The following BCAR3 variants were observed in gnomAD, a reference collection of about 807,000 sequenced individuals.
BCAR3 encodes the protein breast cancer anti-estrogen resistance protein 3.
BCAR3 carries 37 observed loss-of-function variants against 80.1 expected under a neutral mutation model. That is an observed-to-expected ratio of 0.46 (90% CI 0.36 to 0.61). The LOEUF (loss-of-function observed/expected upper bound fraction) is 0.61. BCAR3 is among the 20% of genes least tolerant of loss of function. The pLI is 0.00. For synonymous variants in BCAR3, 389 were observed against 418.9 expected, an observed-to-expected ratio of 0.93 and a Z score of 0.87; for missense variants, 978 against 1,068.2, an observed-to-expected ratio of 0.92 and a Z score of 1.18.
At chr1:93,719,047 C>G (rs1407286904) in intron 2 of BCAR3, among the ~76,000 whole-genome samples, 1 of 152,010 alleles carries the variant, frequency 6.6e-6, no homozygotes, top group Non-Finnish European at 1.5e-5. Flanking sequence ...ATGATGGTGC[C>G]TCACATGGCC....
At chr1:93,760,496 G>T (rs550637770) in intron 2 of BCAR3, among the ~76,000 whole-genome samples, 10 of 152,206 alleles carry the variant, frequency 6.6e-5, no homozygotes, top group African/African-American at 2.2e-4. Flanking sequence ...ACAGATATGA[G>T]AGACATTATG....
chr1:93,767,258 C>A (rs1469737462), intron 2 of BCAR3, among the ~76,000 whole-genome samples: 2 of 152,270 alleles, frequency 1.3e-5, no homozygotes, highest in African/African-American at 4.8e-5. Context: ...TAGGGTGGCT[C>A]ATGCCTATAA....
At chr1:93,768,263 G>A (rs1652224396) in intron 2 of BCAR3, among the ~76,000 whole-genome samples, 1 of 117,588 alleles carries the variant, frequency 8.5e-6, no homozygotes, top group Non-Finnish European at 1.7e-5. Flanking sequence ...GTGAATGTGT[G>A]TGTGTTTGTG....
chr1:93,612,996 A>C (rs1370736937), intron 3 of BCAR3, among the ~76,000 whole-genome samples: 1 of 152,202 alleles, frequency 6.6e-6, no homozygotes, highest in Admixed American at 6.5e-5. Flanking sequence ...AGAACATCAT[A>C]ACCCTGCTGC....
At position 93,679,315 on chromosome 1, in the gene BCAR3, G is replaced by A. The variant is rs114289613; in HGVS notation, c.-12+2283C>T. Among the ~76,000 whole-genome samples the A allele has an allele frequency of 3.1e-3, 474 of 152,304 alleles. 6 individuals are homozygous for A. The highest frequency in any genetic ancestry group is 0.011 in the African/African-American group (467 of 41,552). On this transcript the variant is annotated intron_variant, in intron 1 of 11. Transcript: ENST00000260502. The stretch of plus-strand genomic sequence containing the variant: ...TCACTGTATCTCTGTTATACTGAGG[G>A]TTCACAAAGGAAGTAACTCTGAGAG...
At chr1:93,755,608 T>C (rs1651714909) in intron 2 of BCAR3, among the ~76,000 whole-genome samples, 1 of 152,232 alleles carries the variant, frequency 6.6e-6, no homozygotes, top group Non-Finnish European at 1.5e-5. Flanking sequence ...AGCAGAGGTA[T>C]GCAGCAGGTT....
chr1:93,696,491 C>A (rs1649410326), intron 3 of BCAR3, among the ~76,000 whole-genome samples: 1 of 151,770 alleles, frequency 6.6e-6, no homozygotes. Context: ...CTCCTTCCCC[C>A]ACCACCACTC....
chr1:93,634,550 C>T (rs1431748407), intron 3 of BCAR3, among the ~76,000 whole-genome samples: 1 of 152,058 alleles, frequency 6.6e-6, no homozygotes, highest in East Asian at 1.9e-4. Context: ...AAAAAATTAG[C>T]TGGGCATGGT....
chr1:93,631,815 C>T (rs922189712), intron 3 of BCAR3, among the ~76,000 whole-genome samples: 3 of 152,164 alleles, frequency 2.0e-5, no homozygotes, highest in Non-Finnish European at 2.9e-5. Context: ...CCTTTCAGCA[C>T]CTCCAGAGGG....
chr1:93,754,478 A>G (rs1166342684), intron 2 of BCAR3: 3 of 152,244 alleles, frequency 2.0e-5, no homozygotes, highest in Non-Finnish European at 4.4e-5. Flanking sequence ...TTGACCCACA[A>G]AACATATCTC....
At position 93,654,766 on chromosome 1, in the gene BCAR3, T is replaced by C. The variant is rs146592302; in HGVS notation, c.318-12423A>G. 2.4e-3 allele frequency among the ~76,000 whole-genome samples: 360 copies of C among 152,284 alleles called. 2 individuals are homozygous for C. Among genetic ancestry groups the C allele is most frequent in the African/African-American group, 8.3e-3 (344 of 41,564 alleles). On this transcript the variant is annotated intron_variant, in intron 2 of 11. Transcript: ENST00000260502. The stretch of plus-strand genomic sequence containing the variant: ...GCCCAGAATATTCATCCCCAGATAC[T>C]CAGGGGCTTGCTCCCTCCCACCATT...
chr1:93,685,926 G>A (rs1007181781), upstream of BCAR3, among the ~76,000 whole-genome samples: 2 of 150,112 alleles, frequency 1.3e-5, no homozygotes, highest in Non-Finnish European at 3.0e-5. Flanking sequence ...TTTCTTTTTT[G>A]GAATTTGTAT....
chr1:93,789,815 T>A (rs1653079674), intron 2 of BCAR3, among the ~76,000 whole-genome samples: 1 of 152,182 alleles, frequency 6.6e-6, no homozygotes, highest in African/African-American at 2.4e-5. Flanking sequence ...AGAAACAAGA[T>A]CAGGATTGCA....
At chr1:93,612,583 T>C (rs746143429) in intron 3 of BCAR3, among the ~76,000 whole-genome samples, 2 of 152,164 alleles carry the variant, frequency 1.3e-5, no homozygotes, top group Non-Finnish European at 2.9e-5. Context: ...AGGACTTCTA[T>C]TAGAGTGAAA....
chr1:93,728,651 C>G lies in BCAR3; in HGVS notation c.-62-22509G>C, dbSNP rs560483211. ...CTCTCCTCCAACTGTCCCAGCCAAA[C>G]TCTGCCTTCTTCCAGTGCTGGTCAA... On this transcript the variant is annotated intron_variant, in intron 2 of 13. Coordinates refer to the BCAR3 transcript ENST00000370244. 1.4e-3 allele frequency among the ~76,000 whole-genome samples: 213 copies of G among 152,330 alleles called. 2 individuals carry two copies. Among genetic ancestry groups the G allele is most frequent in the Admixed American group, 3.7e-3 (56 of 15,308 alleles).
chr1:93,658,840 A>G (rs1442251137), intron 2 of BCAR3, among the ~76,000 whole-genome samples: 1 of 152,212 alleles, frequency 6.6e-6, no homozygotes, highest in Non-Finnish European at 1.5e-5. Context: ...GTAACACAAC[A>G]AGATTTAAGA....
intron 3 of BCAR3, among the ~76,000 whole-genome samples, chr1:93,613,095 T>A (rs1272480672): frequency 6.6e-6 from 1 of 151,990 alleles, no homozygotes; most frequent in African/African-American, 2.4e-5. Flanking sequence ...GCTTTCAGAG[T>A]CCAATTTCCC....
chr1:93,743,558 C>T lies in BCAR3; in HGVS notation c.-62-37416G>A, dbSNP rs994999182. On this transcript the variant is annotated intron_variant, in intron 2 of 13. Coordinates refer to the BCAR3 transcript ENST00000370244. ...AAATATTCCCTGTACACTGTTAAAA[C>T]ATGGACCTCAAGGGAGAAAGCGCTG... 2.0e-5 allele frequency among the ~76,000 whole-genome samples: 3 copies of T among 152,194 alleles called. No individual in the cohort carries two copies. In the East Asian group the frequency reaches 5.8e-4, roughly 29 times the overall value.
intron 2 of BCAR3, among the ~76,000 whole-genome samples, chr1:93,764,002 A>G (rs1652053807): frequency 6.6e-6 from 1 of 152,080 alleles, no homozygotes; most frequent in Non-Finnish European, 1.5e-5. Flanking sequence ...CTTGGACCTC[A>G]CACACCCCTC....
Sources: allele counts gnomAD v4.1 joint callset (sites outside exome capture counted in the v4.1 genomes callset), GRCh38; gene constraint gnomAD v4.1.1; transcripts MANE v1.5; gene names NCBI Gene and HGNC (gene_info 2026-07-23, HGNC 2026-07-21).